Variants in NTRK2 observed in about 807,000 individuals in gnomAD.
NTRK2 encodes the protein BDNF/NT-3 growth factors receptor.
In NTRK2, 13 loss-of-function variants were observed where a neutral mutation model predicts 94.5. The observed-to-expected ratio is 0.14, with a 90% CI of 0.09 to 0.22. The LOEUF is 0.22. Among genes scored for constraint, NTRK2 ranks in the 10% least tolerant of loss-of-function variants. NTRK2 has a pLI of 1.00. For missense variants in NTRK2, 639 were observed against 1,071.2 expected (o/e 0.60, Z 5.63); for synonymous variants, 372 against 407.4 (o/e 0.91, Z 1.05).
chr9:84,946,116 G>C (rs1367464815), intron 15 of NTRK2, among the ~76,000 whole-genome samples: 1 of 152,204 alleles, frequency 6.6e-6, no homozygotes, highest in Admixed American at 6.5e-5. Context: ...TTTGCAGTCA[G>C]TACATATCTG....
chr9:84,948,215 G>A (rs1304971371), intron 15 of NTRK2, among the ~76,000 whole-genome samples: 1 of 152,228 alleles, frequency 6.6e-6, no homozygotes, highest in Non-Finnish European at 1.5e-5. Context: ...GGGTTAGAAA[G>A]GATGTGGACC....
chr9:84,980,267 A>G (rs1485860014), intron 17 of NTRK2, among the ~76,000 whole-genome samples: 1 of 152,056 alleles, frequency 6.6e-6, no homozygotes, highest in African/African-American at 2.4e-5. Flanking sequence ...ATTGTTTCCT[A>G]TTGTTGGACT....
intron 17 of NTRK2, among the ~76,000 whole-genome samples, chr9:84,980,833 A>G (rs376627806): frequency 6.6e-6 from 1 of 152,238 alleles, no homozygotes; most frequent in African/African-American, 2.4e-5. Context: ...GTGAGCCTCA[A>G]AATAGGAGTA....
upstream of NTRK2, chr9:84,668,767 A>G (rs200016891): frequency 8.5e-5 from 13 of 152,262 alleles, no homozygotes; most frequent in African/African-American, 3.1e-4. Flanking sequence ...ACACCCTAGC[A>G]CACATGAACA....
chr9:84,939,168 G>T (rs990008313), intron 15 of NTRK2, among the ~76,000 whole-genome samples: 3 of 151,100 alleles, frequency 2.0e-5, no homozygotes, highest in African/African-American at 7.3e-5. Flanking sequence ...ATAGCTGAAA[G>T]AAACTGTAAA....
At chr9:84,910,897 A>G (rs998327573) in intron 14 of NTRK2, among the ~76,000 whole-genome samples, 13 of 152,172 alleles carry the variant, frequency 8.5e-5, no homozygotes, top group African/African-American at 3.1e-4. Context: ...GAATTTCCAT[A>G]TACATTTCAG....
chr9:84,835,843 G>A (rs1401755706), intron 12 of NTRK2, among the ~76,000 whole-genome samples: 1 of 152,168 alleles, frequency 6.6e-6, no homozygotes, highest in Non-Finnish European at 1.5e-5. Flanking sequence ...GCTTGCTTGA[G>A]GCATTTCGGC....
At chr9:84,911,558 G>A (rs146249914) in intron 14 of NTRK2, among the ~76,000 whole-genome samples, 2 of 152,178 alleles carry the variant, frequency 1.3e-5, no homozygotes, top group East Asian at 1.9e-4. Context: ...TATGTGTAAC[G>A]TTGTTTGAAG....
At chr9:84,844,156 A>G (rs1020039698) in intron 12 of NTRK2, among the ~76,000 whole-genome samples, 3 of 152,178 alleles carry the variant, frequency 2.0e-5, no homozygotes, top group African/African-American at 7.2e-5. Flanking sequence ...CCTAGTGGCA[A>G]TTTAGAAAGG....
chr9:84,997,552 A>G (rs1829891783), intron 17 of NTRK2, among the ~76,000 whole-genome samples: 1 of 152,160 alleles, frequency 6.6e-6, no homozygotes, highest in Non-Finnish European at 1.5e-5. Flanking sequence ...GGAATTCCAG[A>G]GCTACGAGTG....
At chr9:84,762,507 T>G (rs565130536) in intron 12 of NTRK2, among the ~76,000 whole-genome samples, 1 of 152,350 alleles carries the variant, frequency 6.6e-6, no homozygotes, top group South Asian at 2.1e-4. Context: ...TGAGGACAAG[T>G]GCAAGGTGAT....
intron 12 of NTRK2, among the ~76,000 whole-genome samples, chr9:84,799,966 C>G (rs1259534923): frequency 1.3e-5 from 2 of 152,162 alleles, no homozygotes; most frequent in African/African-American, 4.8e-5. Flanking sequence ...CTTTCTCCCT[C>G]AAGAAATTGA....
In NTRK2 at chr9:85,022,583, C is replaced by T. The variant is rs1448544567; in HGVS notation, c.*1146C>T. On this transcript the variant is annotated 3_prime_UTR_variant, in exon 19 of 19. Transcript: ENST00000277120. ...TTCAGATCTCACTTCCCTCCGACCC[C>T]TAACTTCCATGCCCACCCGTCCTTT... 4.3e-6 allele frequency: 1 copy of T among 233,130 alleles called. No individual in the cohort carries two copies. Among genetic ancestry groups the T allele is most frequent in the African/African-American group, 2.2e-5 (1 of 45,328 alleles). The allele number at this position is 233,130 out of a possible 1,614,324, so 14.4% of individuals were successfully genotyped here.
rs1026883675 is a variant in NTRK2 at position 84,967,033 on chromosome 9, A to G, written c.2172+11516A>G. ...CTCTTGAACACCAGAGCTTAGGTTC[A>G]TTGAACCATGACATTTCCGAATGAA... On this transcript the variant is annotated intron_variant, in intron 17 of 18. Transcript: ENST00000277120. Among the ~76,000 whole-genome samples, 9 of 152,324 alleles carry G rather than the reference A, an allele frequency of 5.9e-5. No homozygotes were observed. In the Middle Eastern group the frequency reaches 0.01, roughly 173 times the overall value.
At chr9:84,721,193 T>C (rs912414488) in intron 6 of NTRK2, among the ~76,000 whole-genome samples, 7 of 138,212 alleles carry the variant, frequency 5.1e-5, no homozygotes, top group Admixed American at 3.0e-4. Flanking sequence ...TTTTTTTTTT[T>C]GAGATGGAGT....
chr9:84,883,882 C>T (rs1318240857), intron 14 of NTRK2, among the ~76,000 whole-genome samples: 1 of 152,146 alleles, frequency 6.6e-6, no homozygotes, highest in Non-Finnish European at 1.5e-5. Flanking sequence ...AGTTCACTAA[C>T]CTAGTTGACT....
At chr9:84,681,223 ACTT>A (rs2059369250) in intron 2 of NTRK2, among the ~76,000 whole-genome samples, 1 of 152,094 alleles carries the variant, frequency 6.6e-6, no homozygotes, top group Non-Finnish European at 1.5e-5. Context: ...AGTGTGTCAC[ACTT>A]CTTATTTCTA....
chr9:84,934,739 T>C (rs1344647851), intron 15 of NTRK2, among the ~76,000 whole-genome samples: 3 of 152,178 alleles, frequency 2.0e-5, no homozygotes, highest in Non-Finnish European at 4.4e-5. Context: ...TCTGTGCCAC[T>C]CAATTCTCTA....
intron 17 of NTRK2, among the ~76,000 whole-genome samples, chr9:84,985,772 T>C (rs1187137527): frequency 1.3e-5 from 2 of 152,206 alleles, no homozygotes; most frequent in Non-Finnish European, 2.9e-5. Context: ...ACAGCCAACA[T>C]TGATTAAGGC....
Sources: allele counts gnomAD v4.1 joint callset (sites outside exome capture counted in the v4.1 genomes callset), GRCh38; gene constraint gnomAD v4.1.1; transcripts MANE v1.5; gene names NCBI Gene and HGNC (gene_info 2026-07-23, HGNC 2026-07-21).